The following TK1 variants were observed in gnomAD, a reference collection of about 807,000 sequenced individuals.
The protein encoded by TK1 is thymidine kinase 1.
In TK1, 13 loss-of-function variants were observed where a neutral mutation model predicts 22.4. The observed-to-expected ratio is 0.58, with a 90% CI of 0.38 to 0.92. The LOEUF is 0.92. Among genes scored for constraint, TK1 ranks in the 40% least tolerant of loss-of-function variants. The pLI, the probability that TK1 is intolerant of heterozygous loss-of-function variation, is 0.00. For missense variants in TK1, 251 were observed against 315.7 expected, an observed-to-expected ratio of 0.80 and a Z score of 1.55; for synonymous variants, 134 against 125.4, an observed-to-expected ratio of 1.07 and a Z score of -0.46.
chr17:78,180,133 T>A (rs1433995521), intron 4 of TK1, among the ~76,000 whole-genome samples: 2 of 152,162 alleles, frequency 1.3e-5, no homozygotes, highest in African/African-American at 4.8e-5. Flanking sequence ...TGTGCCCAGG[T>A]TCTAGTCTTT....
At chr17:78,175,745 C>T in intron 4 of TK1, 127 bp from the exon 5 acceptor site, 1 of 767,828 alleles carries the variant, frequency 1.3e-6, no homozygotes, top group Non-Finnish European at 2.1e-6. Flanking sequence ...TCTTAATTCT[C>T]CCACGAGGCT....
chr17:78,185,382 C>A (rs1052549035), intron 2 of TK1, among the ~76,000 whole-genome samples: 1 of 152,098 alleles, frequency 6.6e-6, no homozygotes, highest in Non-Finnish European at 1.5e-5. Flanking sequence ...AGGAATGGTA[C>A]TCAGGTGGTC....
At chr17:78,176,634 CTTT>C (rs1324369681) in intron 4 of TK1, among the ~76,000 whole-genome samples, 3 of 152,156 alleles carry the variant, frequency 2.0e-5, no homozygotes, top group Non-Finnish European at 2.9e-5. Context: ...CTCGTTCCCT[CTTT>C]TTCTCTGAGG....
At position 78,175,074 on chromosome 17, in the gene TK1, G is replaced by C; in HGVS notation, c.489C>G (p.Thr163=). Residue 163 remains threonine (T), a synonymous_variant, in exon 6 of 7, where the codon ACC becomes ACG. Transcript: ENST00000301634. The part of the protein sequence containing the change: ...CMECFREAAY[T]KRLGTEKEVE... ...CCTCCTTCTCTGTGCCGAGCCTCTT[G>C]GTATAGGCGGCTTCCCGGAAGCACT... 1.9e-6 allele frequency: 3 copies of C among 1,613,636 alleles called. No individual in the cohort carries two copies. The highest frequency in any genetic ancestry group is 1.3e-5 in the African/African-American group (1 of 74,982).
At chr17:78,181,244 C>CA (rs1290198495) in intron 4 of TK1, among the ~76,000 whole-genome samples, 3 of 150,946 alleles carry the variant, frequency 2.0e-5, no homozygotes, top group Non-Finnish European at 2.9e-5. Context: ...GACTCCATCT[C>CA]AAAAAAAATA....
At chr17:78,179,802 G>A in intron 4 of TK1, 3 of 957,538 alleles carry the variant, frequency 3.1e-6, no homozygotes, top group Non-Finnish European at 3.7e-6. Flanking sequence ...AGGCGTGGTG[G>A]CTCACGCCTG....
intron 3 of TK1, 34 bp downstream of exon 3, chr17:78,185,021 C>G (rs767027943): frequency 2.6e-6 from 4 of 1,545,448 alleles, no homozygotes; most frequent in Non-Finnish European, 3.6e-6. Context: ...TTGTGATTTT[C>G]CACTGGACAG....
intron 2 of TK1, 55 bp downstream of exon 2, chr17:78,186,732 A>G: frequency 6.7e-7 from 1 of 1,497,698 alleles, no homozygotes. Flanking sequence ...GGGACGGGAC[A>G]AGGGGTCCCC....
chr17:78,186,674 G>C (rs1261012488), intron 2 of TK1, 113 bp downstream of exon 2: 1 of 1,000,404 alleles, frequency 1.0e-6, no homozygotes, highest in Non-Finnish European at 1.4e-6. Flanking sequence ...GAAGGGAAGG[G>C]GAGGGAAGGG....
In TK1 at chr17:78,174,265, G is replaced by A. The variant is rs1405504068; in HGVS notation, c.*494C>T. 6.4e-6 allele frequency: 1 copy of A among 155,334 alleles called. No individual in the cohort carries two copies. Among genetic ancestry groups the A allele is most frequent in the East Asian group, 1.9e-4 (1 of 5,242 alleles). 9.6% of individuals were successfully genotyped at this position (155,334 alleles called of 1,614,324 possible). ...CATCACCAGAGGTAGGAAGGGCTTT[G>A]AGCCCAAAAGGAAACAAGAGGGCGT... On this transcript the variant is annotated 3_prime_UTR_variant, in exon 7 of 7. Coordinates refer to ENST00000301634, the MANE Select transcript of TK1 (RefSeq NM_003258.5).
At position 78,179,321 on chromosome 17, in the gene TK1, T is replaced by C. The variant is rs1056948841; in HGVS notation, c.303+3268A>G. 15 of 985,302 alleles carry C rather than the reference T, an allele frequency of 1.5e-5. No homozygotes were observed. The African/African-American group carries it at 1.7e-4, about 11-fold the overall frequency. 61.0% of individuals were successfully genotyped at this position (985,302 alleles called of 1,614,324 possible). A position where few individuals can be genotyped will look rare whatever the true frequency, so the allele number is the denominator to read the frequency against. Reference sequence around the variant, plus strand: ...AACAGCTGCAGCCCTATTCCCAGCCTGGGCTCACTTTCTCGCCAGGAGTCC... The same window carrying C: ...AACAGCTGCAGCCCTATTCCCAGCCCGGGCTCACTTTCTCGCCAGGAGTCC... On this transcript the variant is annotated intron_variant, in intron 4 of 6. Transcript: ENST00000301634.
chr17:78,177,430 GCTCATTCCCAAGGT>G (rs2075708479), intron 4 of TK1, among the ~76,000 whole-genome samples: 1 of 152,168 alleles, frequency 6.6e-6, no homozygotes, highest in Admixed American at 6.5e-5. Flanking sequence ...TACACTTGGG[GCTCATTCCCAAGGT>G]CTCATTATAT....
At chr17:78,186,482 G>A (rs2075795461) in intron 2 of TK1, among the ~76,000 whole-genome samples, 1 of 152,008 alleles carries the variant, frequency 6.6e-6, no homozygotes, top group African/African-American at 2.4e-5. Context: ...CTTCTCAGAG[G>A]ACTTGGTGGG....
chr17:78,176,559 T>A (rs537519156), intron 4 of TK1, among the ~76,000 whole-genome samples: 17 of 152,160 alleles, frequency 1.1e-4, no homozygotes, highest in South Asian at 2.1e-4. Context: ...CTCAGCTGAC[T>A]GCAGGGGTCT....
chr17:78,181,283 C>T (rs1306323820), intron 4 of TK1, among the ~76,000 whole-genome samples: 1 of 151,980 alleles, frequency 6.6e-6, no homozygotes, highest in Admixed American at 6.6e-5. Context: ...CACGGCGGCT[C>T]ATGCCTGTAA....
chr17:78,175,079 A>G lies in TK1; in HGVS notation c.484T>C (p.Tyr162His). 6.2e-7 allele frequency: 1 copy of G among 1,613,596 alleles called. No homozygotes were observed. The highest frequency in any genetic ancestry group is 8.5e-7 in the Non-Finnish European group (1 of 1,179,864). Reference sequence around the variant, plus strand: ...TTCTCTGTGCCGAGCCTCTTGGTATAGGCGGCTTCCCGGAAGCACTCCATG... The same window carrying G: ...TTCTCTGTGCCGAGCCTCTTGGTATGGGCGGCTTCCCGGAAGCACTCCATG... ...VCMECFREAA[Y>H]TKRLGTEKEV... is the part of the protein sequence containing the mutation. The change falls in exon 6 of 7, where the codon TAT (tyrosine) becomes CAT (histidine). Residue 162 changes from tyrosine (Y) to histidine (H), a missense_variant. Tyr to His is a moderately conservative substitution (Grantham distance 83). Transcript: ENST00000301634.
At position 78,185,172 on chromosome 17, in the gene TK1, G is replaced by C; in HGVS notation, c.99-7C>G. Reference sequence around the variant, plus strand: ...GCGTCTCATCAACTCTGTGCTGCAAGAGGAGAGAGGGTCAGGTGAGGTCCA... The same window carrying C: ...GCGTCTCATCAACTCTGTGCTGCAACAGGAGAGAGGGTCAGGTGAGGTCCA... On this transcript the variant is annotated splice_region_variant and splice_polypyrimidine_tract_variant and intron_variant, in intron 2 of 6. Coordinates refer to ENST00000301634, the MANE Select transcript of TK1 (RefSeq NM_003258.5). 6.2e-7 allele frequency: 1 copy of C among 1,612,050 alleles called. No homozygotes were observed. The highest frequency in any genetic ancestry group is 8.5e-7 in the Non-Finnish European group (1 of 1,178,732).
chr17:78,181,375 T>C lies in TK1; in HGVS notation c.303+1214A>G, dbSNP rs1455132122. ...CCAGCCTAGCCAACATGGTGAACCC[T>C]TGTCTCTACAAAAATTAGCCAGGCA... On this transcript the variant is annotated intron_variant, in intron 4 of 6. Transcript: ENST00000301634. Among the ~76,000 whole-genome samples, 4 of 152,024 alleles carry C rather than the reference T, an allele frequency of 2.6e-5. No homozygotes were observed. The East Asian group carries it at 7.7e-4, about 29-fold the overall frequency.
chr17:78,177,917 C>T (rs2075712652), intron 4 of TK1, among the ~76,000 whole-genome samples: 1 of 152,176 alleles, frequency 6.6e-6, no homozygotes, highest in Non-Finnish European at 1.5e-5. Context: ...GTCATCCAGG[C>T]TGGAGTGCAG....
Sources: allele counts gnomAD v4.1 joint callset (sites outside exome capture counted in the v4.1 genomes callset), GRCh38; gene constraint gnomAD v4.1.1; transcripts MANE v1.5; gene names NCBI Gene and HGNC (gene_info 2026-07-23, HGNC 2026-07-21).